NRG1: variants seen among roughly 807,000 people sequenced by gnomAD.
The protein encoded by NRG1 is neuregulin 1, also known as pro-neuregulin-1, membrane-bound isoform.
In NRG1, 18 loss-of-function variants were observed where a neutral mutation model predicts 63.8. The observed-to-expected ratio is 0.28, with a 90% confidence interval of 0.19 to 0.42. NRG1 has a LOEUF of 0.42. Ranked by LOEUF, NRG1 falls within the 10% of genes least tolerant of loss-of-function variation. The probability of loss-of-function intolerance (pLI) is 1.00; values close to 1 mark genes in which losing one functional copy is unlikely to be tolerated. For synonymous variants in NRG1, 302 were observed against 301.3 expected (o/e 1.00, Z -0.02); for missense variants, 762 against 814.7 (o/e 0.94, Z 0.79).
intron 1 of NRG1, among the ~76,000 whole-genome samples, chr8:32,357,484 C>T (rs537713874): frequency 2.0e-4 from 31 of 152,182 alleles, no homozygotes; most frequent in African/African-American, 6.7e-4. Context: ...CATGAGTTAA[C>T]GTATGTTTAA....
rs540377553 is a variant in NRG1, at chr8:31,857,088, G to T, written c.37+217657G>T. Among the ~76,000 whole-genome samples the T allele has an allele frequency of 3.8e-3, 573 of 152,332 alleles. 1 individual carries two copies. The highest frequency in any genetic ancestry group is 0.024 in the Middle Eastern group (7 of 294). On this transcript the variant is annotated intron_variant, in intron 1 of 10. Transcript: ENST00000519301. ...TTTGTTTGTCTGTGCCCTGCCCCCA[G>T]AGGTGGAGCCTACAGAGGCAGGCAG...
chr8:31,642,769 C>A (rs75881927), intron 1 of NRG1, among the ~76,000 whole-genome samples: 1 of 151,984 alleles, frequency 6.6e-6, no homozygotes, highest in Non-Finnish European at 1.5e-5. Context: ...GTGTGCTTGG[C>A]GATTTTTGTG....
chr8:32,771,715 A>AAAAAAAT (rs1343943621), downstream of NRG1, among the ~76,000 whole-genome samples: 9,299 of 111,440 alleles, frequency 0.083, 526 homozygotes, highest in East Asian at 0.12. Context: ...TTAAAAAAAA[A>AAAAAAAT]ATATATATAT....
chr8:32,367,577 A>T (rs1268852525), intron 1 of NRG1, among the ~76,000 whole-genome samples: 2 of 152,122 alleles, frequency 1.3e-5, no homozygotes, highest in East Asian at 3.9e-4. Context: ...CTCAAACTAT[A>T]GTCCTTTGTC....
At chr8:31,867,679 A>G (rs1428786069) in intron 1 of NRG1, among the ~76,000 whole-genome samples, 1 of 152,158 alleles carries the variant, frequency 6.6e-6, no homozygotes, top group Non-Finnish European at 1.5e-5. Flanking sequence ...AAAAATATCC[A>G]TGATAAATTA....
At chr8:31,767,691 T>C (rs1156837054) in intron 1 of NRG1, among the ~76,000 whole-genome samples, 1 of 151,842 alleles carries the variant, frequency 6.6e-6, no homozygotes, top group East Asian at 1.9e-4. Context: ...AATACAAAAA[T>C]GAGCTGGGCG....
chr8:31,639,856 T>C (rs1466867913), intron 1 of NRG1: 2 of 1,103,292 alleles, frequency 1.8e-6, no homozygotes, highest in Non-Finnish European at 2.2e-6. Flanking sequence ...CCCCAATAAA[T>C]AAATAAAAGG....
At chr8:31,696,664 G>A (rs934806631) in intron 1 of NRG1, among the ~76,000 whole-genome samples, 4 of 152,150 alleles carry the variant, frequency 2.6e-5, no homozygotes, top group African/African-American at 9.7e-5. Flanking sequence ...TTACAGATGA[G>A]CAAACTTGTG....
chr8:32,751,476 T>A (rs1382641068), intron 7 of NRG1, among the ~76,000 whole-genome samples: 1 of 152,076 alleles, frequency 6.6e-6, no homozygotes, highest in Non-Finnish European at 1.5e-5. Flanking sequence ...AAGAAAAAAA[T>A]TAATATGGGG....
chr8:32,012,022 T>C (rs1224860371), intron 1 of NRG1, among the ~76,000 whole-genome samples: 5 of 152,064 alleles, frequency 3.3e-5, no homozygotes, highest in Admixed American at 6.6e-5. Context: ...CAGAAATTCA[T>C]AGAAGGCTAC....
chr8:32,130,987 A>G (rs981067241), intron 1 of NRG1, among the ~76,000 whole-genome samples: 1 of 152,000 alleles, frequency 6.6e-6, no homozygotes, highest in African/African-American at 2.4e-5. Context: ...GCACACATGT[A>G]TGTAGAAGCA....
chr8:31,967,768 T>G (rs540993758), intron 1 of NRG1, among the ~76,000 whole-genome samples: 2 of 152,140 alleles, frequency 1.3e-5, no homozygotes, highest in Admixed American at 1.3e-4. Flanking sequence ...CAATTGATAC[T>G]CCAGGCAGAG....
chr8:31,855,026 C>T (rs1234050438), intron 1 of NRG1, among the ~76,000 whole-genome samples: 2 of 152,074 alleles, frequency 1.3e-5, no homozygotes, highest in East Asian at 3.9e-4. Flanking sequence ...AGAGCTTTAC[C>T]TCCAAGTATG....
intron 1 of NRG1, among the ~76,000 whole-genome samples, chr8:31,927,459 T>C (rs1834458728): frequency 7.2e-6 from 1 of 139,542 alleles, no homozygotes; most frequent in Non-Finnish European, 1.5e-5. Flanking sequence ...TTTTTTTTTT[T>C]TTTTTTTGAG....
chr8:31,906,728 T>C (rs188582415), intron 1 of NRG1, among the ~76,000 whole-genome samples: 418 of 152,314 alleles, frequency 2.7e-3, no homozygotes, highest in Middle Eastern at 6.8e-3. Flanking sequence ...TTTAACTTCA[T>C]TGCTTTGTTA....
At chr8:32,534,607 T>C (rs1438784244) in intron 1 of NRG1, among the ~76,000 whole-genome samples, 1 of 152,156 alleles carries the variant, frequency 6.6e-6, no homozygotes, top group Non-Finnish European at 1.5e-5. Flanking sequence ...AACGGTGATG[T>C]TGAAATACTT....
At chr8:32,326,483 C>T (rs1378596599) in intron 1 of NRG1, among the ~76,000 whole-genome samples, 1 of 151,850 alleles carries the variant, frequency 6.6e-6, no homozygotes, top group Non-Finnish European at 1.5e-5. Flanking sequence ...ATTCACCACA[C>T]TCAGCTAATT....
chr8:32,098,926 TG>T (rs1441120722), intron 1 of NRG1: 1 of 152,184 alleles, frequency 6.6e-6, no homozygotes, highest in Non-Finnish European at 1.5e-5. Context: ...TTTTCACATT[TG>T]TAAAGGCAGT....
At chr8:32,020,856 C>T (rs1470893920) in intron 1 of NRG1, among the ~76,000 whole-genome samples, 1 of 152,046 alleles carries the variant, frequency 6.6e-6, no homozygotes, top group Admixed American at 6.6e-5. Flanking sequence ...TTGGGATTTA[C>T]CATGTATTGC....
Sources: gnomAD v4.1 joint callset for allele counts (sites outside exome capture counted in the v4.1 genomes callset) on GRCh38, gnomAD v4.1.1 for gene constraint, MANE v1.5 for transcripts, NCBI Gene and HGNC (gene_info 2026-07-23, HGNC 2026-07-21) for gene names.